Variants in EPHA5 observed in about 807,000 individuals in gnomAD.
EPHA5 encodes the protein ephrin type-A receptor 5.
Under a neutral mutation model 105.0 loss-of-function variants are expected in EPHA5, and 60 were observed. The ratio of observed to expected loss-of-function variants is 0.57; its 90% CI spans 0.46 to 0.71. The LOEUF is 0.71. Among genes scored for constraint, EPHA5 ranks in the 30% least tolerant of loss-of-function variants. EPHA5 has a pLI of 0.00. For missense variants in EPHA5, 1,218 were observed against 1,274.7 expected, an observed-to-expected ratio of 0.96 and a Z score of 0.68; for synonymous variants, 513 against 449.1, an observed-to-expected ratio of 1.14 and a Z score of -1.80.
At chr4:65,328,512 T>C (rs1720294007) in intron 16 of EPHA5, among the ~76,000 whole-genome samples, 1 of 151,262 alleles carries the variant, frequency 6.6e-6, no homozygotes, top group Non-Finnish European at 1.5e-5. Context: ...ACACACCTTT[T>C]AGCCGTATCA....
chr4:65,624,679 T>C (rs7671758), intron 2 of EPHA5, among the ~76,000 whole-genome samples: 74,906 of 152,076 alleles, frequency 0.49, 20,148 homozygotes, highest in Middle Eastern at 0.65. Context: ...CAAAACTCTC[T>C]ATTGGATTTA....
chr4:65,607,769 TG>T (rs1294801097), intron 2 of EPHA5, among the ~76,000 whole-genome samples: 5 of 152,208 alleles, frequency 3.3e-5, no homozygotes, highest in Admixed American at 3.3e-4. Flanking sequence ...TGGAAAACAC[TG>T]TGGCAATTCC....
chr4:65,480,905 T>C (rs1730300519), intron 5 of EPHA5, among the ~76,000 whole-genome samples: 1 of 150,900 alleles, frequency 6.6e-6, no homozygotes, highest in Non-Finnish European at 1.5e-5. Flanking sequence ...AGGAGAGGAG[T>C]GTTGTAGGCA....
At chr4:65,372,560 T>C (rs913889708) in intron 8 of EPHA5, among the ~76,000 whole-genome samples, 1 of 151,876 alleles carries the variant, frequency 6.6e-6, no homozygotes, top group Non-Finnish European at 1.5e-5. Flanking sequence ...AACTAATCTA[T>C]TTTTACTTAC....
intron 3 of EPHA5, among the ~76,000 whole-genome samples, chr4:65,554,734 TC>T (rs995547929): frequency 2.0e-5 from 3 of 151,788 alleles, no homozygotes; most frequent in African/African-American, 7.2e-5. Context: ...TAAAATGTTA[TC>T]TAAGTACTAT....
chr4:65,574,679 C>A, intron 3 of EPHA5, among the ~76,000 whole-genome samples: 1 of 61,098 alleles, frequency 1.6e-5, no homozygotes, highest in Non-Finnish European at 3.2e-5. Context: ...CATATATATA[C>A]ATATATATAC....
chr4:65,381,361 A>G (rs945831064), intron 8 of EPHA5, among the ~76,000 whole-genome samples: 4 of 151,774 alleles, frequency 2.6e-5, no homozygotes, highest in African/African-American at 9.7e-5. Flanking sequence ...CATATGTCAA[A>G]TGTGTAAGAG....
At chr4:65,369,411 T>C (rs1026331327) in intron 8 of EPHA5, among the ~76,000 whole-genome samples, 2 of 152,160 alleles carry the variant, frequency 1.3e-5, no homozygotes, top group African/African-American at 2.4e-5. Flanking sequence ...CATTGATTTA[T>C]GCATTAAGAA....
At chr4:65,432,630 C>T (rs1191338749) in intron 5 of EPHA5, among the ~76,000 whole-genome samples, 2 of 151,868 alleles carry the variant, frequency 1.3e-5, no homozygotes, top group African/African-American at 4.8e-5. Context: ...TGCAGTGGTG[C>T]AATCTTGACT....
chr4:65,557,170 C>T (rs4860686), intron 3 of EPHA5, among the ~76,000 whole-genome samples: 1 of 146,084 alleles, frequency 6.8e-6, no homozygotes. Flanking sequence ...GATTTGGGGA[C>T]GGGGCATGGT....
intron 2 of EPHA5, among the ~76,000 whole-genome samples, chr4:65,640,774 C>T (rs1385108594): frequency 6.6e-6 from 1 of 152,116 alleles, no homozygotes; most frequent in East Asian, 1.9e-4. Context: ...ACAAGTAAAA[C>T]CTTAGGTCTT....
chr4:65,462,171 G>A (rs1416842584), intron 5 of EPHA5, among the ~76,000 whole-genome samples: 1 of 152,028 alleles, frequency 6.6e-6, no homozygotes, highest in African/African-American at 2.4e-5. Flanking sequence ...GTGGTCACGG[G>A]ACACTTCTCA....
At chr4:65,608,887 T>C (rs190164835) in intron 2 of EPHA5, among the ~76,000 whole-genome samples, 1 of 152,336 alleles carries the variant, frequency 6.6e-6, no homozygotes, top group East Asian at 1.9e-4. Flanking sequence ...TTTTTCTCTT[T>C]TTTAGGGGTT....
At chr4:65,623,792 CAA>C (rs1745906458) in intron 2 of EPHA5, among the ~76,000 whole-genome samples, 1 of 152,004 alleles carries the variant, frequency 6.6e-6, no homozygotes, top group African/African-American at 2.4e-5. Flanking sequence ...TGTCATAAAA[CAA>C]AAATTATTGA....
chr4:65,375,980 A>G (rs574651240), intron 8 of EPHA5, among the ~76,000 whole-genome samples: 4 of 152,056 alleles, frequency 2.6e-5, no homozygotes, highest in African/African-American at 9.6e-5. Context: ...TTTTTAAGAA[A>G]TTGACAAAAT....
At chr4:65,644,166 G>C (rs1340339761) in intron 1 of EPHA5, among the ~76,000 whole-genome samples, 1 of 151,822 alleles carries the variant, frequency 6.6e-6, no homozygotes, top group Non-Finnish European at 1.5e-5. Flanking sequence ...ACGGAAGTTT[G>C]AGTACCGTCA....
chr4:65,443,751 G>C (rs1208341435), intron 5 of EPHA5, among the ~76,000 whole-genome samples: 2 of 152,164 alleles, frequency 1.3e-5, no homozygotes. Context: ...AGTCTCCTTT[G>C]CATTCTCTCT....
At chr4:65,384,481 G>A (rs1460043692) in intron 8 of EPHA5, among the ~76,000 whole-genome samples, 1 of 151,786 alleles carries the variant, frequency 6.6e-6, no homozygotes, top group Non-Finnish European at 1.5e-5. Context: ...TCAAACAAAG[G>A]AAGCCAAATC....
chr4:65,623,625 G>A (rs150547186), intron 2 of EPHA5, among the ~76,000 whole-genome samples: 50 of 152,176 alleles, frequency 3.3e-4, no homozygotes, highest in Admixed American at 6.5e-4. Context: ...CAGAGTTTTA[G>A]AATTCTAGTC....
Sources: gnomAD v4.1 joint callset for allele counts (sites outside exome capture counted in the v4.1 genomes callset) on GRCh38, gnomAD v4.1.1 for gene constraint, MANE v1.5 for transcripts, NCBI Gene and HGNC (gene_info 2026-07-23, HGNC 2026-07-21) for gene names.